Variants in WDR3 observed in about 807,000 individuals in gnomAD.
WDR3 encodes WD repeat-containing protein 3.
A neutral mutation model predicts 123.7 loss-of-function variants in WDR3; 81 were observed. The observed-to-expected ratio is 0.65, with a 90% CI of 0.55 to 0.79. The LOEUF is 0.79. WDR3 is among the 30% of genes least tolerant of loss of function. The pLI is 0.00. For synonymous variants in WDR3, 390 were observed against 388.8 expected (o/e 1.00, Z -0.04); for missense variants, 1,027 against 1,123.2 (o/e 0.91, Z 1.22).
Position 117,933,291 on chromosome 1 carries a change from G to A in WDR3, c.-29G>A, listed in dbSNP as rs746432627. ...TTTTCTTTGTTTATATGCACAGATT[G>A]CTTCACCTGTGGTATCAGACATCAC... On this transcript the variant is annotated 5_prime_UTR_variant, in exon 2 of 27. Transcript: ENST00000349139. 1.2e-6 allele frequency: 2 copies of A among 1,611,568 alleles called. No homozygotes were observed. The highest frequency in any genetic ancestry group is 1.3e-5 in the African/African-American group (1 of 74,880).
At chr1:117,957,253 C>T (rs1036242246) in intron 25 of WDR3, 57 bp downstream of exon 25, 2 of 1,548,908 alleles carry the variant, frequency 1.3e-6, no homozygotes, top group African/African-American at 2.8e-5. Flanking sequence ...TTCAGTAGTA[C>T]CTTAACTGAA....
intron 9 of WDR3, 28 bp downstream of exon 9, chr1:117,941,875 A>C (rs1226058828): frequency 6.3e-7 from 1 of 1,585,134 alleles, no homozygotes; most frequent in Admixed American, 1.9e-5. Context: ...TTACATTAAT[A>C]ATGAAGTATC....
At chr1:117,945,076 G>A (rs1242752639) in intron 11 of WDR3, among the ~76,000 whole-genome samples, 3 of 152,054 alleles carry the variant, frequency 2.0e-5, no homozygotes, top group African/African-American at 7.2e-5. Context: ...CCCAAATCCA[G>A]CCTCATCTTA....
At chr1:117,947,646 T>C (rs1651454651) in intron 12 of WDR3, among the ~76,000 whole-genome samples, 1 of 152,212 alleles carries the variant, frequency 6.6e-6, no homozygotes, top group Non-Finnish European at 1.5e-5. Context: ...CTTTGAAACA[T>C]TGGTGATATA....
At chr1:117,941,725 T>G (rs1651179103) in intron 8 of WDR3, 25 bp from the exon 9 acceptor site, 2 of 1,597,730 alleles carry the variant, frequency 1.3e-6, no homozygotes, top group Non-Finnish European at 1.7e-6. Flanking sequence ...TCTCCTTGAC[T>G]CACATTAACC....
At chr1:117,944,722 G>A (rs1423456042) in intron 11 of WDR3, among the ~76,000 whole-genome samples, 1 of 152,040 alleles carries the variant, frequency 6.6e-6, no homozygotes, top group Non-Finnish European at 1.5e-5. Flanking sequence ...TTTATTTTGA[G>A]ACAGAGGCTC....
intron 4 of WDR3, 35 bp downstream of exon 4, chr1:117,936,922 C>A: frequency 6.4e-7 from 1 of 1,571,478 alleles, no homozygotes; most frequent in Non-Finnish European, 8.7e-7. Context: ...CAGTTATTTT[C>A]TAGGAAGAGA....
rs1651371959 is a variant in WDR3, at chr1:117,946,174, A to T, written c.1417A>T (p.Thr473Ser). 6.2e-7 allele frequency: 1 copy of T among 1,608,530 alleles called. No individual in the cohort carries two copies. The highest frequency in any genetic ancestry group is 8.5e-7 in the Non-Finnish European group (1 of 1,177,184). Residue 473 changes from threonine (T) to serine (S), a missense_variant, in exon 12 of 27, where the codon ACA becomes TCA. Thr to Ser is a moderately conservative substitution (Grantham distance 58). Transcript: ENST00000349139. Reference sequence around the variant, plus strand: ...TGGTGATAGACAGGTAGTCATAGGAACAAAGGTAAATGGAGACTTTTTCTG... The same window carrying T: ...TGGTGATAGACAGGTAGTCATAGGATCAAAGGTAAATGGAGACTTTTTCTG... ...VPGDRQVVIG[T>S]KTGKLQLYDL... is the part of the protein sequence containing the mutation.
chr1:117,936,970 A>G, intron 4 of WDR3, 83 bp downstream of exon 4: 6 of 1,186,646 alleles, frequency 5.1e-6, no homozygotes, highest in East Asian at 2.4e-5. Flanking sequence ...TCTCATGAGC[A>G]GTGTGCTCAT....
chr1:117,940,509 A>G (rs1306494711), intron 6 of WDR3, among the ~76,000 whole-genome samples: 1 of 152,144 alleles, frequency 6.6e-6, no homozygotes, highest in East Asian at 1.9e-4. Flanking sequence ...AGATCACTTG[A>G]GTCCACACAC....
chr1:117,941,216 T>C lies in WDR3; in HGVS notation c.882T>C (p.Leu294=), dbSNP rs1458038437. Residue 294 remains leucine, a synonymous_variant, in exon 8 of 27, where the codon CTT becomes CTC. Transcript: ENST00000349139. The part of the protein sequence containing the change: ...NLAVDKTGRI[L]ACHGTDSVLE... ...CAGTCGACAAGACAGGCAGGATTCT[T>C]GCTTGCCATGTGAGTACCATACTTA... The C allele has an allele frequency of 6.2e-7, 1 of 1,614,128 alleles. No homozygotes were observed. The highest frequency in any genetic ancestry group is 1.7e-5 in the Admixed American group (1 of 60,018).
At chr1:117,946,590 A>G (rs997464784) in intron 12 of WDR3, among the ~76,000 whole-genome samples, 60 of 152,176 alleles carry the variant, frequency 3.9e-4, no homozygotes, top group African/African-American at 1.4e-3. Flanking sequence ...TCAGATTGGG[A>G]GACAACCATG....
chr1:117,937,408 C>G (rs1311845653), intron 4 of WDR3, among the ~76,000 whole-genome samples: 1 of 152,002 alleles, frequency 6.6e-6, no homozygotes, highest in Non-Finnish European at 1.5e-5. Context: ...TAAAGAATGG[C>G]CACCTAGGAA....
chr1:117,950,927 C>G (rs1651585345), intron 16 of WDR3, 37 bp downstream of exon 16: 2 of 1,529,564 alleles, frequency 1.3e-6, no homozygotes, highest in Admixed American at 4.0e-5. Flanking sequence ...AATATGTTGT[C>G]TTTTTTACAG....
intron 1 of WDR3, among the ~76,000 whole-genome samples, chr1:117,932,452 T>C (rs1026470461): frequency 1.3e-5 from 2 of 152,232 alleles, no homozygotes; most frequent in Non-Finnish European, 2.9e-5. Flanking sequence ...TGGTGTTTTC[T>C]AGCAATGTTT....
At chr1:117,951,897 G>A in intron 16 of WDR3, 79 bp from the exon 17 acceptor site, 1 of 1,318,560 alleles carries the variant, frequency 7.6e-7, no homozygotes, top group Non-Finnish European at 1.1e-6. Context: ...GAAAGAAATG[G>A]GTTAAATATT....
Position 117,942,459 on chromosome 1 carries a change from G to A in WDR3, c.1012G>A (p.Glu338Lys). 6.2e-7 allele frequency: 1 copy of A among 1,613,972 alleles called. No homozygotes were observed. Among genetic ancestry groups the A allele is most frequent in the Non-Finnish European group, 8.5e-7 (1 of 1,179,908 alleles). ...KAKLHSSKGEEEDPEVNVEMS... is the reference protein window; with the variant it reads ...KAKLHSSKGEKEDPEVNVEMS... ...TAGATTACATTCTAGCAAAGGAGAG[G>A]AGGAAGATCCTGAGGTTAATGTTGA... The change falls in exon 10 of 27, where the codon GAG (glutamate) becomes AAG (lysine). Residue 338 changes from glutamate to lysine, a missense_variant. By Grantham distance (56) the Glu-to-Lys change is moderately conservative. Transcript: ENST00000349139.
At chr1:117,951,386 C>T (rs1651602731) in intron 16 of WDR3, among the ~76,000 whole-genome samples, 1 of 148,776 alleles carries the variant, frequency 6.7e-6, no homozygotes, top group South Asian at 2.1e-4. Context: ...AATGTCTATT[C>T]TGCAGAGTGA....
intron 11 of WDR3, 95 bp downstream of exon 11, chr1:117,943,721 C>T (rs1341562650): frequency 4.7e-6 from 5 of 1,053,732 alleles, no homozygotes; most frequent in Non-Finnish European, 6.8e-6. Context: ...TCCTTAAGGC[C>T]CTAAATACAA....
Sources: gnomAD v4.1 joint callset for allele counts (sites outside exome capture counted in the v4.1 genomes callset) on GRCh38, gnomAD v4.1.1 for gene constraint, MANE v1.5 for transcripts, NCBI Gene and HGNC (gene_info 2026-07-23, HGNC 2026-07-21) for gene names.